Variants in LAMB3 observed in about 807,000 individuals in gnomAD.
The protein encoded by LAMB3 is laminin subunit beta-3.
In LAMB3, 104 loss-of-function variants were observed where a neutral mutation model predicts 140.3. The observed-to-expected ratio is 0.74, with a 90% CI of 0.63 to 0.87. The LOEUF is 0.87. LAMB3 is among the 40% of genes least tolerant of loss of function. LAMB3 has a pLI of 0.00. For missense variants in LAMB3, 1,531 were observed against 1,575.2 expected (o/e 0.97, Z 0.47); for synonymous variants, 592 against 602.9 (o/e 0.98, Z 0.26).
intron 19 of LAMB3, 95 bp from the exon 20 acceptor site, chr1:209,618,143 C>A (rs35864886): frequency 5.1e-5 from 77 of 1,498,648 alleles, no homozygotes; most frequent in Non-Finnish European, 6.5e-5. Context: ...AAAGAACACC[C>A]TTCCCAGCCA....
chr1:209,615,154 G>T lies in LAMB3; in HGVS notation c.*117C>A. ...TAGCTACACACCAGGGGTGGTCCAG[G>T]CTGTACTTTAGGCTGCATGAAAGTC... On this transcript the variant is annotated 3_prime_UTR_variant, in exon 23 of 23. Coordinates refer to ENST00000356082, the MANE Select transcript of LAMB3 (RefSeq NM_000228.3). 2 of 1,363,534 alleles carry T rather than the reference G, an allele frequency of 1.5e-6. No individual in the cohort carries two copies. The highest frequency in any genetic ancestry group is 2.1e-6 in the Non-Finnish European group (2 of 971,616). 84.5% of individuals were successfully genotyped at this position (1,363,534 alleles called of 1,614,324 possible).
intron 21 of LAMB3, among the ~76,000 whole-genome samples, 182 bp downstream of exon 21, chr1:209,617,228 C>T (rs1665999664): frequency 6.6e-6 from 1 of 152,194 alleles, no homozygotes; most frequent in African/African-American, 2.4e-5. Context: ...CCAGCTATAC[C>T]AAAAGCAGTG....
chr1:209,624,976 AGAAGGAAG>A (rs57166402), intron 14 of LAMB3, among the ~76,000 whole-genome samples: 3 of 149,702 alleles, frequency 2.0e-5, no homozygotes, highest in Non-Finnish European at 4.5e-5. Flanking sequence ...AAGAAGGAAA[AGAAGGAAG>A]GAAGGAAGGT....
chr1:209,638,362 A>G (rs1418807488), intron 4 of LAMB3, among the ~76,000 whole-genome samples, 172 bp downstream of exon 4: 1 of 152,152 alleles, frequency 6.6e-6, no homozygotes, highest in Admixed American at 6.5e-5. Context: ...TTCTTCTACC[A>G]TAACATCCAA....
chr1:209,627,564 ATGT>A lies in LAMB3; in HGVS notation c.1301_1303del (p.Asn434del). On this transcript the variant is annotated inframe_deletion, in exon 12 of 23. Transcript: ENST00000356082. ...CGGCATGTCCCTCCGGGACCCCAGGATGTTGCAGTCACAGCCTGCAGGAGGAGA... is the reference window on the plus strand; with the variant it reads ...CGGCATGTCCCTCCGGGACCCCAGGATGCAGTCACAGCCTGCAGGAGGAGA... The A allele has an allele frequency of 6.2e-7, 1 of 1,614,002 alleles. No individual in the cohort carries two copies. The highest frequency in any genetic ancestry group is 8.5e-7 in the Non-Finnish European group (1 of 1,180,008).
At chr1:209,643,726 CT>C (rs2076491224) in intron 3 of LAMB3, among the ~76,000 whole-genome samples, 1 of 152,050 alleles carries the variant, frequency 6.6e-6, no homozygotes, top group Admixed American at 6.5e-5. Context: ...GCCCAGCTCC[CT>C]CCCATGAGGA....
rs1212912706 is a variant in LAMB3, at chr1:209,615,373, G to A, written c.3417C>T (p.Ala1139=). ...MELELLRGSQ[A]IMLRSADLTG... ...TCAGGTCCGCTGAGCGCAGCATGATGGCCTGGCTGCCCCGCAGCAGCTCCA... is the reference window on the plus strand; with the variant it reads ...TCAGGTCCGCTGAGCGCAGCATGATAGCCTGGCTGCCCCGCAGCAGCTCCA... The change falls in exon 23 of 23, where the codon GCC becomes GCT. Residue 1139 remains alanine, a synonymous_variant. Transcript: ENST00000356082. The A allele has an allele frequency of 1.2e-6, 2 of 1,610,854 alleles. No individual in the cohort carries two copies. The highest frequency in any genetic ancestry group is 1.7e-5 in the Admixed American group (1 of 59,894).
chr1:209,649,928 T>C (rs1571841888), intron 3 of LAMB3, 36 bp downstream of exon 3: 1 of 1,612,878 alleles, frequency 6.2e-7, no homozygotes, highest in South Asian at 1.1e-5. Flanking sequence ...ACCCCTCCCA[T>C]CCCGCCTTCC....
In LAMB3 at chr1:209,622,972, C is replaced by T. The variant is rs560241868; in HGVS notation, c.2556+10G>A. The stretch of plus-strand genomic sequence containing the variant: ...CCTACCTGTGCCCACCCCGCCTCGG[C>T]TGCACTTACCATCTGCCTGGTCCGC... On this transcript the variant is annotated intron_variant, in intron 17 of 22. Coordinates refer to ENST00000356082, the MANE Select transcript of LAMB3 (RefSeq NM_000228.3). 3.7e-6 allele frequency: 6 copies of T among 1,612,678 alleles called. No homozygotes were observed. The Admixed American group carries it at 6.7e-5, about 18-fold the overall frequency.
chr1:209,635,683 G>A (rs978451132), intron 5 of LAMB3, among the ~76,000 whole-genome samples: 1 of 152,146 alleles, frequency 6.6e-6, no homozygotes, highest in African/African-American at 2.4e-5. Context: ...GATTGCAGGT[G>A]TGAGCCACTG....
intron 10 of LAMB3, among the ~76,000 whole-genome samples, chr1:209,628,555 G>T (rs2102426774): frequency 6.6e-6 from 1 of 152,216 alleles, no homozygotes; most frequent in South Asian, 2.1e-4. Context: ...AAATTAGCCA[G>T]GCACGGTGGC....
At position 209,623,290 on chromosome 1, in the gene LAMB3, G is replaced by T; in HGVS notation, c.2359-111C>A. 4.3e-6 allele frequency: 5 copies of T among 1,159,818 alleles called. No homozygotes were observed. In the South Asian group the frequency reaches 6.5e-5, roughly 15 times the overall value. The allele number at this position is 1,159,818 out of a possible 1,614,324, so 71.8% of individuals were successfully genotyped here. ...ACATCTCCATGACAACCAAGCACCA[G>T]AAACAGCCAGACATCTCCATGAGAG... is the stretch of plus-strand genomic sequence containing the variant. On this transcript the variant is annotated intron_variant, in intron 16 of 22. Transcript: ENST00000356082. The surrounding 1 kb of genome is among the most constrained non-coding windows in gnomAD (Gnocchi z 4.2).
intron 3 of LAMB3, among the ~76,000 whole-genome samples, chr1:209,645,759 C>G (rs915960143): frequency 6.7e-6 from 1 of 149,634 alleles, no homozygotes; most frequent in Non-Finnish European, 1.5e-5. Flanking sequence ...TGGTCAGAGG[C>G]GGGCTCAAAA....
intron 8 of LAMB3, among the ~76,000 whole-genome samples, chr1:209,631,885 C>T (rs1666704149): frequency 6.6e-6 from 1 of 152,216 alleles, no homozygotes; most frequent in Non-Finnish European, 1.5e-5. Flanking sequence ...CTCAGGCCAT[C>T]TTACATGATT....
chr1:209,625,832 G>A lies in LAMB3; in HGVS notation c.1792C>T (p.Arg598Cys), dbSNP rs139547896. The change falls in exon 14 of 23, where the codon CGC becomes TGC. Residue 598 changes from arginine to cysteine, a missense_variant. Physicochemically the swap from Arg to Cys is radical, Grantham distance 180. Coordinates refer to ENST00000356082, the MANE Select transcript of LAMB3 (RefSeq NM_000228.3). ...GTGGCATTGCGGAGTCTACCAAAGC[G>A]CAGGGCCTGCTCCCGGAGGTCCGCA... ...YDADLREQAL[R>C]FGRLRNATAS... 6.3e-5 allele frequency: 101 copies of A among 1,614,112 alleles called. 1 individual carries two copies. The highest frequency in any genetic ancestry group is 4.7e-4 in the African/African-American group (35 of 75,060).
At chr1:209,645,780 G>A (rs1177402123) in intron 3 of LAMB3, among the ~76,000 whole-genome samples, 4 of 151,262 alleles carry the variant, frequency 2.6e-5, no homozygotes, top group Non-Finnish European at 5.9e-5. Context: ...TCCCTTGTGG[G>A]TTGAGTACAG....
Position 209,633,085 on chromosome 1 carries a change from T to C in LAMB3, c.613A>G (p.Ser205Gly). 14 of 1,612,084 alleles carry C rather than the reference T, an allele frequency of 8.7e-6. No homozygotes were observed. Among genetic ancestry groups the C allele is most frequent in the Non-Finnish European group, 1.2e-5 (14 of 1,178,102 alleles). Residue 205 changes from serine to glycine, a missense_variant, in exon 7 of 23, where the codon AGT (serine) becomes GGT (glycine). Ser to Gly is a moderately conservative substitution (Grantham distance 56). Transcript: ENST00000356082. ...CCACACTGACCTTGAATTTTTTGAC[T>C]TTGAGTTGCTGGAATCCCAGACACT... ...DLVSGIPATQ[S>G]QKIQEVGEIT... is the part of the protein sequence containing the mutation.
intron 3 of LAMB3, among the ~76,000 whole-genome samples, chr1:209,645,195 G>C (rs564582902): frequency 6.6e-6 from 1 of 152,182 alleles, no homozygotes; most frequent in African/African-American, 2.4e-5. Flanking sequence ...CTCAAAACAA[G>C]ACTCATTTTG....
intron 3 of LAMB3, among the ~76,000 whole-genome samples, chr1:209,647,009 G>A (rs1571838874): frequency 6.6e-6 from 1 of 152,206 alleles, no homozygotes; most frequent in African/African-American, 2.4e-5. Context: ...CCAGGGTGAT[G>A]GGACTACAGC....
Sources: gnomAD v4.1 joint callset for allele counts (sites outside exome capture counted in the v4.1 genomes callset) on GRCh38, gnomAD v4.1.1 for gene constraint, Gnocchi (gnomAD v3.1) non-coding constraint, MANE v1.5 for transcripts, NCBI Gene and HGNC (gene_info 2026-07-23, HGNC 2026-07-21) for gene names.